The following MYO16 variants were observed in gnomAD, a reference collection of about 807,000 sequenced individuals.
MYO16 encodes myosin XVI, also known as unconventional myosin-XVI.
A neutral mutation model predicts 205.3 loss-of-function variants in MYO16; 94 were observed. The observed-to-expected ratio is 0.46, with a 90% confidence interval of 0.39 to 0.54. The LOEUF is 0.54. MYO16 is among the 20% of genes least tolerant of loss of function. MYO16 has a pLI of 0.00. For synonymous variants in MYO16, 988 were observed against 954.0 expected, an observed-to-expected ratio of 1.04 and a Z score of -0.66; for missense variants, 2,315 against 2,387.5, an observed-to-expected ratio of 0.97 and a Z score of 0.63.
chr13:108,958,210 T>C (rs1883453447), intron 17 of MYO16, among the ~76,000 whole-genome samples: 1 of 147,620 alleles, frequency 6.8e-6, no homozygotes, highest in Admixed American at 6.8e-5. Flanking sequence ...ATAAATTATA[T>C]TTATAAAATA....
chr13:109,206,790 C>T lies in MYO16; in HGVS notation c.5597C>T (p.Ala1866Val). Residue 1866 changes from alanine (A) to valine (V), a missense_variant, in exon 35 of 35, where the codon GCC becomes GTC. Ala to Val is a moderately conservative substitution (Grantham distance 64). This residue lies in a region of MYO16 where 1,097 missense variants were observed against 1,092.0 expected (regional missense o/e 1.00). Coordinates refer to ENST00000457511, the MANE Select transcript of MYO16 (RefSeq NM_001198950.3). ...KPSLLKKPEG[A>V]SCNRLPSELW... ...AGCCTTCTGAAGAAGCCGGAAGGGG[C>T]CTCCTGCAACAGGCTGCCGTCTGAG... 1 of 1,614,186 alleles carries T rather than the reference C, an allele frequency of 6.2e-7. No individual in the cohort carries two copies.
At chr13:108,690,418 A>G (rs1467656928) in intron 2 of MYO16, among the ~76,000 whole-genome samples, 1 of 46,532 alleles carries the variant, frequency 2.1e-5, no homozygotes, top group Non-Finnish European at 3.8e-5. Flanking sequence ...TGCTGCCACC[A>G]CGAGCTATGG....
At chr13:108,586,809 T>C in the MYO16 span, among the ~76,000 whole-genome samples, 1 of 152,192 alleles carries the variant, frequency 6.6e-6, no homozygotes, top group African/African-American at 2.4e-5. Context: ...AACCCCTCAG[T>C]CTGGAGTTAC....
At chr13:108,816,304 A>G (rs1875598855) in intron 7 of MYO16, among the ~76,000 whole-genome samples, 1 of 152,206 alleles carries the variant, frequency 6.6e-6, no homozygotes, top group African/African-American at 2.4e-5. Context: ...TTAGAATATG[A>G]CGAGGCAAGC....
At chr13:108,850,640 T>C (rs1877810803) in intron 10 of MYO16, among the ~76,000 whole-genome samples, 1 of 152,208 alleles carries the variant, frequency 6.6e-6, no homozygotes, top group Non-Finnish European at 1.5e-5. Flanking sequence ...GACATATTTT[T>C]TACTTTTCTT....
Position 109,109,274 on chromosome 13 carries a change from A to G in MYO16, c.3438+8387A>G, listed in dbSNP as rs866515155. On this transcript the variant is annotated intron_variant, in intron 28 of 34. Transcript: ENST00000457511. The stretch of plus-strand genomic sequence containing the variant: ...TGCCAGAAGCCTTGTAATTACTAAC[A>G]CGTTTTTCTTCTCAAGAACCAGTTG... Among the ~76,000 whole-genome samples, 7 of 152,248 alleles carry G rather than the reference A, an allele frequency of 4.6e-5. No individual in the cohort carries two copies. In the South Asian group the frequency reaches 8.3e-4, roughly 18 times the overall value.
chr13:109,078,154 G>A (rs1173548719), intron 27 of MYO16, among the ~76,000 whole-genome samples: 2 of 151,604 alleles, frequency 1.3e-5, no homozygotes, highest in African/African-American at 4.9e-5. Flanking sequence ...TTTAGGCTAG[G>A]TGCAGTGGCT....
intron 14 of MYO16, among the ~76,000 whole-genome samples, chr13:108,892,757 A>G (rs1479325063): frequency 6.6e-6 from 1 of 152,222 alleles, no homozygotes; most frequent in Non-Finnish European, 1.5e-5. Context: ...TCTAAATTAT[A>G]TACAATCATC....
the MYO16 span, among the ~76,000 whole-genome samples, chr13:108,584,920 T>A: frequency 6.6e-6 from 1 of 152,318 alleles, no homozygotes; most frequent in African/African-American, 2.4e-5. Context: ...TTTATCAATA[T>A]GATTAAGACA....
At chr13:109,066,859 T>C (rs1887764698) in intron 27 of MYO16, among the ~76,000 whole-genome samples, 1 of 152,146 alleles carries the variant, frequency 6.6e-6, no homozygotes, top group South Asian at 2.1e-4. Context: ...CTTTCTAATA[T>C]AGTTGGGGAA....
At chr13:108,533,169 A>G in the MYO16 span, among the ~76,000 whole-genome samples, 1 of 152,172 alleles carries the variant, frequency 6.6e-6, no homozygotes, top group African/African-American at 2.4e-5. Flanking sequence ...TGTCAGGGTA[A>G]GGGGGTTTAC....
chr13:108,727,322 C>T, intron 3 of MYO16, 118 bp from the exon 4 acceptor site: 2 of 1,020,016 alleles, frequency 2.0e-6, no homozygotes, highest in South Asian at 3.4e-5. Flanking sequence ...CCCAGGTTAG[C>T]TTCACCTCTC....
At chr13:108,901,120 A>T (rs923720250) in intron 15 of MYO16, among the ~76,000 whole-genome samples, 1 of 152,080 alleles carries the variant, frequency 6.6e-6, no homozygotes, top group East Asian at 1.9e-4. Context: ...TCCTGATAAG[A>T]TGTTATCAAT....
At chr13:108,733,860 T>C (rs1487482129) in intron 4 of MYO16, among the ~76,000 whole-genome samples, 1 of 152,068 alleles carries the variant, frequency 6.6e-6, no homozygotes, top group Non-Finnish European at 1.5e-5. Flanking sequence ...TCCCAGCTAC[T>C]CGGGAGGCTG....
chr13:109,063,019 AC>A (rs1887637933), intron 27 of MYO16, among the ~76,000 whole-genome samples: 2 of 152,198 alleles, frequency 1.3e-5, no homozygotes, highest in Non-Finnish European at 2.9e-5. Flanking sequence ...TTGAACAACA[AC>A]AACAAAATGT....
At chr13:109,178,592 GTTC>G (rs1879322854) in intron 33 of MYO16, among the ~76,000 whole-genome samples, 1 of 152,120 alleles carries the variant, frequency 6.6e-6, no homozygotes, top group East Asian at 1.9e-4. Flanking sequence ...ATTTTGTTGG[GTTC>G]TTATTTCTCT....
At chr13:108,971,374 T>TATATATATAC (rs1156819636) in intron 20 of MYO16, among the ~76,000 whole-genome samples, 6 of 136,352 alleles carry the variant, frequency 4.4e-5, no homozygotes, top group Admixed American at 7.4e-5. Flanking sequence ...TATATATATA[T>TATATATATAC]ACACATATAA....
intron 16 of MYO16, among the ~76,000 whole-genome samples, chr13:108,945,761 C>CT (rs1265064165): frequency 6.6e-6 from 1 of 151,910 alleles, no homozygotes; most frequent in Non-Finnish European, 1.5e-5. Flanking sequence ...TAGGTACAGC[C>CT]TATATTTGAA....
At chr13:108,685,110 C>T (rs1594207785) in intron 2 of MYO16, among the ~76,000 whole-genome samples, 1 of 151,766 alleles carries the variant, frequency 6.6e-6, no homozygotes, top group East Asian at 1.9e-4. Context: ...GCAACCTCCA[C>T]CTTCCGGGTT....
Sources: allele counts gnomAD v4.1 joint callset (sites outside exome capture counted in the v4.1 genomes callset), GRCh38; gene constraint gnomAD v4.1.1; regional missense constraint gnomAD v4.1.1; transcripts MANE v1.5; gene names NCBI Gene and HGNC (gene_info 2026-07-23, HGNC 2026-07-21).